Variants in SDCCAG8 observed in about 807,000 individuals in gnomAD.
The protein encoded by SDCCAG8 is SHH signaling and ciliogenesis regulator SDCCAG8, also known as serologically defined colon cancer antigen 8.
SDCCAG8 carries 74 observed loss-of-function variants against 101.8 expected under a neutral mutation model. The ratio of observed to expected loss-of-function variants is 0.73; its 90% CI spans 0.60 to 0.88. The LOEUF (loss-of-function observed/expected upper bound fraction) is 0.88, where lower values mean the gene tolerates loss of function less well. Among genes scored for constraint, SDCCAG8 ranks in the 40% least tolerant of loss-of-function variants. The pLI is 0.00. For synonymous variants in SDCCAG8, 281 were observed against 292.9 expected, an observed-to-expected ratio of 0.96 and a Z score of 0.41; for missense variants, 787 against 822.6, an observed-to-expected ratio of 0.96 and a Z score of 0.53.
chr1:243,463,719 T>C (rs1659581262), intron 16 of SDCCAG8, among the ~76,000 whole-genome samples: 1 of 152,244 alleles, frequency 6.6e-6, no homozygotes, highest in Non-Finnish European at 1.5e-5. Context: ...TTTGAGTTTT[T>C]AGTAATCCAC....
chr1:243,330,149 A>G lies in SDCCAG8; in HGVS notation c.1069-391A>G, dbSNP rs1466534677. ...AGTATTCCAATAATTTTTATCCATGAGCAAATAAGAAATCAGTTAAATTGG... is the reference window on the plus strand; with the variant it reads ...AGTATTCCAATAATTTTTATCCATGGGCAAATAAGAAATCAGTTAAATTGG... On this transcript the variant is annotated intron_variant, in intron 9 of 17. Transcript: ENST00000366541. 2.6e-5 allele frequency among the ~76,000 whole-genome samples: 4 copies of G among 152,328 alleles called. No homozygotes were observed. The South Asian group carries it at 6.2e-4, about 24-fold the overall frequency.
chr1:243,281,286 T>G (rs1465740731), intron 4 of SDCCAG8, among the ~76,000 whole-genome samples: 1 of 151,544 alleles, frequency 6.6e-6, no homozygotes. Context: ...CTTTTTTTTT[T>G]GTTTTGAGAT....
At chr1:243,326,905 G>A (rs1461818352) in intron 9 of SDCCAG8, among the ~76,000 whole-genome samples, 3 of 152,112 alleles carry the variant, frequency 2.0e-5, no homozygotes, top group Non-Finnish European at 4.4e-5. Flanking sequence ...TAAGATAGTA[G>A]TGCCTACCCT....
At position 243,257,796 on chromosome 1, in the gene SDCCAG8, C is replaced by G. The variant is rs146305806; in HGVS notation, c.67+1556C>G. On this transcript the variant is annotated intron_variant, in intron 1 of 17. Transcript: ENST00000366541. Reference sequence around the variant, plus strand: ...GCTGTTAGATACAAAATAAGCACTTCTAACTTTTCATTTGGAAGCAAGAAA... The same window carrying G: ...GCTGTTAGATACAAAATAAGCACTTGTAACTTTTCATTTGGAAGCAAGAAA... Among the ~76,000 whole-genome samples the G allele has an allele frequency of 3.6e-3, 553 of 152,256 alleles. 1 individual carries two copies. The highest frequency in any genetic ancestry group is 0.013 in the African/African-American group (525 of 41,544).
intron 16 of SDCCAG8, among the ~76,000 whole-genome samples, chr1:243,471,839 G>A (rs1050314240): frequency 1.3e-5 from 2 of 152,122 alleles, no homozygotes; most frequent in Admixed American, 6.5e-5. Flanking sequence ...GGTCACAGGT[G>A]CCATTTACTC....
At chr1:243,303,520 CT>C (rs1204431885) in intron 6 of SDCCAG8, among the ~76,000 whole-genome samples, 1 of 152,158 alleles carries the variant, frequency 6.6e-6, no homozygotes, top group Non-Finnish European at 1.5e-5. Context: ...CCTTTTCCTC[CT>C]CCAACTCAGC....
intron 16 of SDCCAG8, among the ~76,000 whole-genome samples, chr1:243,429,750 G>A (rs919032445): frequency 7.1e-6 from 1 of 140,556 alleles, no homozygotes; most frequent in Non-Finnish European, 1.5e-5. Flanking sequence ...CGCCCAGGGT[G>A]GAGTGCAGTA....
intron 13 of SDCCAG8, among the ~76,000 whole-genome samples, chr1:243,394,448 T>G (rs1429138813): frequency 6.6e-6 from 1 of 152,214 alleles, no homozygotes; most frequent in Non-Finnish European, 1.5e-5. Flanking sequence ...TTCTTTGTCC[T>G]GCAGCCCTGA....
intron 16 of SDCCAG8, among the ~76,000 whole-genome samples, chr1:243,465,057 A>G (rs1043134618): frequency 7.2e-5 from 11 of 152,210 alleles, no homozygotes; most frequent in African/African-American, 2.7e-4. Flanking sequence ...AACTAAATAC[A>G]GTTTCCTTTA....
At chr1:243,388,641 A>G (rs935038038) in intron 13 of SDCCAG8, among the ~76,000 whole-genome samples, 1 of 150,510 alleles carries the variant, frequency 6.6e-6, no homozygotes, top group Non-Finnish European at 1.5e-5. Context: ...TGGGAGGATC[A>G]CTTGAGGCCA....
intron 13 of SDCCAG8, among the ~76,000 whole-genome samples, chr1:243,404,303 G>A (rs986470649): frequency 2.6e-5 from 4 of 152,166 alleles, no homozygotes; most frequent in African/African-American, 9.7e-5. Flanking sequence ...GAATGGAAAG[G>A]GCCGCTCTGT....
chr1:243,282,677 A>G (rs1438567728), intron 4 of SDCCAG8, among the ~76,000 whole-genome samples: 4 of 152,186 alleles, frequency 2.6e-5, no homozygotes, highest in African/African-American at 9.7e-5. Context: ...AATCTTGCTG[A>G]ATCCAGAATT....
At chr1:243,477,881 G>A (rs909266775) in intron 16 of SDCCAG8, among the ~76,000 whole-genome samples, 26 of 152,206 alleles carry the variant, frequency 1.7e-4, no homozygotes, top group African/African-American at 6.3e-4. Flanking sequence ...TCCAGAGTAC[G>A]GTCCTCAAAC....
chr1:243,415,522 C>T (rs12083875), intron 13 of SDCCAG8, among the ~76,000 whole-genome samples, 180 bp from the exon 14 acceptor site: 1,850 of 152,236 alleles, frequency 0.012, 48 homozygotes, highest in African/African-American at 0.043. Context: ...ACGTATTTAA[C>T]ACTGTATGGA....
chr1:243,325,740 A>G (rs1161888982), intron 9 of SDCCAG8, among the ~76,000 whole-genome samples: 1 of 152,182 alleles, frequency 6.6e-6, no homozygotes, highest in Non-Finnish European at 1.5e-5. Context: ...AGTTTCTTCA[A>G]TTGAGTGATA....
intron 12 of SDCCAG8, among the ~76,000 whole-genome samples, chr1:243,345,794 T>C (rs1181373717): frequency 6.6e-6 from 1 of 152,180 alleles, no homozygotes; most frequent in African/African-American, 2.4e-5. Context: ...TTTGCAATAT[T>C]AGAAGTATTT....
At chr1:243,437,781 G>T (rs971346960) in intron 16 of SDCCAG8, among the ~76,000 whole-genome samples, 1 of 152,008 alleles carries the variant, frequency 6.6e-6, no homozygotes, top group Non-Finnish European at 1.5e-5. Context: ...CTCGTGATCC[G>T]CCCGCCTCGG....
intron 13 of SDCCAG8, among the ~76,000 whole-genome samples, chr1:243,412,815 T>G (rs931786633): frequency 1.3e-5 from 2 of 149,496 alleles, no homozygotes; most frequent in African/African-American, 4.8e-5. Context: ...CTTCAAATTC[T>G]TTGTGACCCT....
At chr1:243,340,321 CAG>C (rs2075308919) in intron 10 of SDCCAG8, among the ~76,000 whole-genome samples, 1 of 152,140 alleles carries the variant, frequency 6.6e-6, no homozygotes, top group South Asian at 2.1e-4. Flanking sequence ...GTGTGGGAAA[CAG>C]TGAGAGTGGA....
Sources: gnomAD v4.1 joint callset for allele counts (sites outside exome capture counted in the v4.1 genomes callset) on GRCh38, gnomAD v4.1.1 for gene constraint, MANE v1.5 for transcripts, NCBI Gene and HGNC (gene_info 2026-07-23, HGNC 2026-07-21) for gene names.